The following PLD5 variants were observed in gnomAD, a reference collection of about 807,000 sequenced individuals.
The protein encoded by PLD5 is phospholipase D family member 5.
A neutral mutation model predicts 61.1 loss-of-function variants in PLD5; 36 were observed. The observed-to-expected ratio is 0.59, with a 90% CI of 0.45 to 0.78. The LOEUF is 0.78. Ranked by LOEUF, PLD5 falls within the 30% of genes least tolerant of loss-of-function variation. PLD5 has a pLI of 0.00. For synonymous variants in PLD5, 243 were observed against 242.8 expected, an observed-to-expected ratio of 1.00 and a Z score of -0.01; for missense variants, 515 against 644.4, an observed-to-expected ratio of 0.80 and a Z score of 2.17.
At chr1:242,424,123 T>G (rs759737564) in intron 1 of PLD5, among the ~76,000 whole-genome samples, 13 of 152,218 alleles carry the variant, frequency 8.5e-5, no homozygotes, top group Non-Finnish European at 1.8e-4. Flanking sequence ...TGAAGATAAG[T>G]GTTTGTAATC....
intron 1 of PLD5, among the ~76,000 whole-genome samples, chr1:242,363,441 G>A (rs2149238909): frequency 7.0e-6 from 1 of 142,508 alleles, no homozygotes; most frequent in Admixed American, 7.1e-5. Context: ...AACATGGTGA[G>A]ACCCTGTCTC....
chr1:242,367,306 T>A (rs999810476), intron 1 of PLD5, among the ~76,000 whole-genome samples: 1 of 152,092 alleles, frequency 6.6e-6, no homozygotes, highest in Non-Finnish European at 1.5e-5. Flanking sequence ...TGCTATAATG[T>A]AAGTAGAGCT....
chr1:242,321,264 A>T (rs564415025), intron 2 of PLD5, among the ~76,000 whole-genome samples: 1 of 151,786 alleles, frequency 6.6e-6, no homozygotes, highest in East Asian at 2.0e-4. Flanking sequence ...TTAAGAAGAA[A>T]AAAAGCATTT....
intron 1 of PLD5, among the ~76,000 whole-genome samples, chr1:242,431,061 C>G (rs1033020423): frequency 1.3e-5 from 2 of 152,134 alleles, no homozygotes; most frequent in African/African-American, 4.8e-5. Context: ...GGTGAAAAAT[C>G]GTGGTGAAAT....
At chr1:242,190,710 C>T (rs569184340) in intron 5 of PLD5, among the ~76,000 whole-genome samples, 53 of 151,292 alleles carry the variant, frequency 3.5e-4, no homozygotes, top group African/African-American at 1.1e-3. Context: ...GGCAAAACCT[C>T]ATCTCTTAAA....
rs1433559531 is a variant in PLD5, at chr1:242,084,518, T to C, written c.*5336A>G. 1 of 152,112 alleles carries C rather than the reference T, an allele frequency of 6.6e-6. No homozygotes were observed. Among genetic ancestry groups the C allele is most frequent in the Non-Finnish European group, 1.5e-5 (1 of 68,036 alleles). The allele number at this position is 152,112 out of a possible 1,614,324, so 9.4% of individuals were successfully genotyped here. ...TAGGTTTTCAGCTTCTCACCTTGAGTCTGGAGCCTCAGACCACTCGGCCGT... is the reference window on the plus strand; with the variant it reads ...TAGGTTTTCAGCTTCTCACCTTGAGCCTGGAGCCTCAGACCACTCGGCCGT... On this transcript the variant is annotated 3_prime_UTR_variant, in exon 10 of 10. Transcript: ENST00000536534.
intron 8 of PLD5, among the ~76,000 whole-genome samples, chr1:242,105,938 A>G (rs538692580): frequency 2.0e-5 from 3 of 152,340 alleles, no homozygotes; most frequent in African/African-American, 7.2e-5. Context: ...GTACATCAGA[A>G]CCTATTACAT....
chr1:242,431,590 A>G lies in PLD5; in HGVS notation c.190-83348T>C, dbSNP rs190161132. Among the ~76,000 whole-genome samples, 10 of 152,334 alleles carry G rather than the reference A, an allele frequency of 6.6e-5. No individual in the cohort carries two copies. The East Asian group carries it at 1.7e-3, about 26-fold the overall frequency. On this transcript the variant is annotated intron_variant, in intron 1 of 9. Coordinates refer to ENST00000536534, the MANE Select transcript of PLD5 (RefSeq NM_001372062.1). ...CAGCTTATTTACACATCTTCTTTTA[A>G]CTACTTTAAGGGGAAACAAATACAA...
chr1:242,262,915 C>A (rs557992382), intron 4 of PLD5, among the ~76,000 whole-genome samples: 20 of 151,998 alleles, frequency 1.3e-4, no homozygotes, highest in Non-Finnish European at 2.4e-4. Flanking sequence ...TTACAGGGAC[C>A]CTTGTGTAAA....
intron 1 of PLD5, among the ~76,000 whole-genome samples, chr1:242,417,712 GCAT>G (rs1365937447): frequency 6.6e-6 from 1 of 152,226 alleles, no homozygotes; most frequent in Non-Finnish European, 1.5e-5. Context: ...TTGCTTCCCT[GCAT>G]CAATAGGTCC....
intron 3 of PLD5, 44 bp downstream of exon 3, chr1:242,288,318 T>C: frequency 6.3e-7 from 1 of 1,586,298 alleles, no homozygotes; most frequent in Non-Finnish European, 8.5e-7. Context: ...GAGTGGAAAA[T>C]GCACATAAGT....
chr1:242,104,078 C>T (rs367775360), intron 8 of PLD5, among the ~76,000 whole-genome samples: 2 of 152,018 alleles, frequency 1.3e-5, no homozygotes, highest in African/African-American at 4.8e-5. Context: ...GGATATAATT[C>T]GGATGTGTAG....
At chr1:242,477,160 G>T (rs1292702012) in intron 1 of PLD5, among the ~76,000 whole-genome samples, 2 of 152,116 alleles carry the variant, frequency 1.3e-5, no homozygotes, top group Non-Finnish European at 2.9e-5. Flanking sequence ...TGAGGCAGGA[G>T]AATTGCTTGA....
At chr1:242,511,838 T>C (rs532731906) in intron 1 of PLD5, among the ~76,000 whole-genome samples, 2 of 152,266 alleles carry the variant, frequency 1.3e-5, no homozygotes, top group South Asian at 4.1e-4. Context: ...GTTAACACAT[T>C]AGGGGAAATG....
chr1:242,280,711 G>T (rs1467668605), intron 3 of PLD5, among the ~76,000 whole-genome samples: 1 of 152,096 alleles, frequency 6.6e-6, no homozygotes, highest in Non-Finnish European at 1.5e-5. Context: ...TGAAAACTAG[G>T]AAATGCTATG....
intron 1 of PLD5, among the ~76,000 whole-genome samples, chr1:242,349,785 A>G (rs76581985): frequency 9.2e-5 from 14 of 152,302 alleles, no homozygotes; most frequent in African/African-American, 3.4e-4. Context: ...CCCAAAATTC[A>G]CATGTTGAAA....
At chr1:242,322,361 T>C (rs1008123833) in intron 2 of PLD5, among the ~76,000 whole-genome samples, 38 of 152,342 alleles carry the variant, frequency 2.5e-4, no homozygotes, top group African/African-American at 8.4e-4. Flanking sequence ...TTCAAGTCTT[T>C]GTCCAAAATC....
At chr1:242,365,727 G>C (rs985038263) in intron 1 of PLD5, 8 of 209,274 alleles carry the variant, frequency 3.8e-5, no homozygotes, top group Non-Finnish European at 6.5e-5. Flanking sequence ...ACATTCACCT[G>C]ACTGTCAACT....
intron 5 of PLD5, among the ~76,000 whole-genome samples, chr1:242,152,823 G>A (rs1665034212): frequency 6.6e-6 from 1 of 152,110 alleles, no homozygotes; most frequent in African/African-American, 2.4e-5. Flanking sequence ...ACATACGTGT[G>A]CATGTGTCTT....
Sources: allele counts gnomAD v4.1 joint callset (sites outside exome capture counted in the v4.1 genomes callset), GRCh38; gene constraint gnomAD v4.1.1; transcripts MANE v1.5; gene names NCBI Gene and HGNC (gene_info 2026-07-23, HGNC 2026-07-21).